Variants in CSMD2 observed in about 807,000 individuals in gnomAD.
CSMD2 encodes the protein CUB and Sushi multiple domains 2, also known as CUB and sushi domain-containing protein 2.
In CSMD2, 130 loss-of-function variants were observed where a neutral mutation model predicts 398.5. The ratio of observed to expected loss-of-function variants is 0.33; its 90% CI spans 0.28 to 0.38. The LOEUF is 0.38. Among genes scored for constraint, CSMD2 ranks in the 10% least tolerant of loss-of-function variants. The pLI, the probability that CSMD2 is intolerant of heterozygous loss-of-function variation, is 1.00. For synonymous variants in CSMD2, 1,828 were observed against 1,908.5 expected, an observed-to-expected ratio of 0.96 and a Z score of 1.10; for missense variants, 3,829 against 4,764.9, an observed-to-expected ratio of 0.80 and a Z score of 5.78.
chr1:34,028,877 G>T (rs867330856), intron 3 of CSMD2, among the ~76,000 whole-genome samples: 1 of 152,172 alleles, frequency 6.6e-6, no homozygotes, highest in Admixed American at 6.5e-5. Context: ...TTTGACTACC[G>T]GCCTTTTTGA....
chr1:33,559,906 TG>T lies in CSMD2; in HGVS notation c.8381-434del, dbSNP rs1166221282. 6.6e-6 allele frequency among the ~76,000 whole-genome samples: 1 copy of T among 152,140 alleles called. No individual in the cohort carries two copies. Among genetic ancestry groups the T allele is most frequent in the African/African-American group, 2.4e-5 (1 of 41,438 alleles). Reference sequence around the variant, plus strand: ...AACCAGAGTGAATACTAACCAAGACTGGTGCAGAGTTCAGTCACTCTGCTAG... The same window carrying T: ...AACCAGAGTGAATACTAACCAAGACTGTGCAGAGTTCAGTCACTCTGCTAG... On this transcript the variant is annotated intron_variant, in intron 53 of 70. Coordinates refer to ENST00000373381, the MANE Select transcript of CSMD2 (RefSeq NM_001281956.2). The surrounding 1 kb of genome is among the most constrained non-coding windows in gnomAD (Gnocchi z 4.0).
intron 25 of CSMD2, among the ~76,000 whole-genome samples, chr1:33,692,574 G>C (rs1645276252): frequency 2.0e-5 from 3 of 152,220 alleles, no homozygotes; most frequent in Admixed American, 6.5e-5. Flanking sequence ...ACACTCTACA[G>C]AAGAGGACAA....
intron 25 of CSMD2, among the ~76,000 whole-genome samples, chr1:33,665,713 C>T (rs969238716): frequency 1.3e-5 from 2 of 151,942 alleles, no homozygotes; most frequent in African/African-American, 4.8e-5. Context: ...CAGGTGTGAG[C>T]CACTGCACCT....
intron 3 of CSMD2, among the ~76,000 whole-genome samples, chr1:34,025,788 T>C (rs1018565294): frequency 1.1e-4 from 17 of 152,126 alleles, no homozygotes; most frequent in African/African-American, 2.9e-4. Flanking sequence ...CCCTATCCAA[T>C]GGACACAGGC....
chr1:33,858,877 C>T (rs1009606383), intron 5 of CSMD2, among the ~76,000 whole-genome samples: 3 of 152,128 alleles, frequency 2.0e-5, no homozygotes, highest in Non-Finnish European at 2.9e-5. Flanking sequence ...ACTGAAAGAA[C>T]GTAAGAGTGA....
At chr1:33,632,716 A>G (rs1642537412) in intron 32 of CSMD2, among the ~76,000 whole-genome samples, 1 of 152,226 alleles carries the variant, frequency 6.6e-6, no homozygotes, top group Non-Finnish European at 1.5e-5. Context: ...GATCTCACAT[A>G]TCCTTTAACT....
At chr1:33,725,772 T>C (rs958100502) in intron 16 of CSMD2, among the ~76,000 whole-genome samples, 2 of 152,162 alleles carry the variant, frequency 1.3e-5, no homozygotes, top group Non-Finnish European at 2.9e-5. Context: ...TGTGGCCTGA[T>C]CTGTGAGCCA....
At chr1:33,770,054 T>C (rs1651054146) in intron 13 of CSMD2, among the ~76,000 whole-genome samples, 1 of 152,214 alleles carries the variant, frequency 6.6e-6, no homozygotes, top group Admixed American at 6.5e-5. Context: ...ACTCCAAAGT[T>C]TAACATTGTC....
At chr1:33,811,433 T>C (rs1176280098) in intron 9 of CSMD2, among the ~76,000 whole-genome samples, 2 of 152,106 alleles carry the variant, frequency 1.3e-5, no homozygotes, top group Non-Finnish European at 2.9e-5. Flanking sequence ...AGGATATCCT[T>C]GTCAAGGCCA....
chr1:34,157,997 G>A (rs1055760246), intron 1 of CSMD2, among the ~76,000 whole-genome samples: 1 of 152,194 alleles, frequency 6.6e-6, no homozygotes, highest in Non-Finnish European at 1.5e-5. Flanking sequence ...AACTAAGTGT[G>A]TGTTTGGGTG....
At chr1:34,141,345 A>T (rs764134221) in intron 1 of CSMD2, among the ~76,000 whole-genome samples, 4 of 152,072 alleles carry the variant, frequency 2.6e-5, no homozygotes, top group Admixed American at 6.5e-5. Flanking sequence ...ATCTCATGGG[A>T]TTTGCTTGAG....
intron 32 of CSMD2, among the ~76,000 whole-genome samples, chr1:33,629,997 T>C (rs1033773717): frequency 6.6e-6 from 1 of 152,024 alleles, no homozygotes; most frequent in African/African-American, 2.4e-5. Flanking sequence ...GGTCAGGAGT[T>C]TTATATCTAC....
intron 49 of CSMD2, among the ~76,000 whole-genome samples, chr1:33,573,250 C>G (rs12129656): frequency 0.22 from 33,722 of 152,032 alleles, 3,988 homozygotes; most frequent in Non-Finnish European, 0.26. Flanking sequence ...AAATAACAAA[C>G]GTAATCCACA....
rs139696515 is a variant in CSMD2, at chr1:33,685,827, T to C, written c.4052+7103A>G. Among the ~76,000 whole-genome samples, 240 of 152,350 alleles carry C rather than the reference T, an allele frequency of 1.6e-3. 1 individual carries two copies. Among genetic ancestry groups the C allele is most frequent in the African/African-American group, 5.4e-3 (224 of 41,580 alleles). ...TTGGAGGTACCTGTCTGTTTGACTA[T>C]TTCCCCACTAGAATGTGAACTCTTG... On this transcript the variant is annotated intron_variant, in intron 25 of 70. Transcript: ENST00000373381.
chr1:33,542,740 C>T lies in CSMD2; in HGVS notation c.9257G>A (p.Gly3086Asp). Residue 3086 changes from glycine (G) to aspartate (D), a missense_variant, in exon 58 of 71, where the codon GGC becomes GAC. Around this residue, in one of 5 missense-constraint regions of CSMD2, gnomAD observed 917 missense variants for 1,199.5 expected, o/e 0.76. Coordinates refer to ENST00000373381, the MANE Select transcript of CSMD2 (RefSeq NM_001281956.2). The stretch of plus-strand genomic sequence containing the variant: ...CTCACCGAGGCACTCAGGGTCACTG[C>T]CTGTCCAGGTACCATTGACCGAGCA... ...RHCSVNGTWT[G>D]SDPECLVINC... 1 of 1,613,794 alleles carries T rather than the reference C, an allele frequency of 6.2e-7. No individual in the cohort carries two copies. The highest frequency in any genetic ancestry group is 8.5e-7 in the Non-Finnish European group (1 of 1,179,904).
At chr1:33,712,808 G>A (rs1646037075) in intron 21 of CSMD2, among the ~76,000 whole-genome samples, 1 of 152,140 alleles carries the variant, frequency 6.6e-6, no homozygotes, top group South Asian at 2.1e-4. Flanking sequence ...TGGGTGGCGG[G>A]GTTCTATGTG....
At chr1:33,552,964 C>G (rs904110899) in intron 55 of CSMD2, among the ~76,000 whole-genome samples, 1 of 152,106 alleles carries the variant, frequency 6.6e-6, no homozygotes, top group Admixed American at 6.5e-5. Flanking sequence ...AGAAAAAATG[C>G]AAATGGATTA....
At chr1:33,783,669 T>C (rs1225238818) in intron 12 of CSMD2, among the ~76,000 whole-genome samples, 2 of 152,122 alleles carry the variant, frequency 1.3e-5, no homozygotes, top group East Asian at 3.9e-4. Context: ...ATTAAAACAG[T>C]ACAACCGTTA....
In CSMD2 at chr1:33,725,425, G is replaced by C. The variant is rs1646497806; in HGVS notation, c.2619C>G (p.Ser873Arg). 1 of 1,614,026 alleles carries C rather than the reference G, an allele frequency of 6.2e-7. No individual in the cohort carries two copies. The highest frequency in any genetic ancestry group is 1.1e-5 in the South Asian group (1 of 91,064). Residue 873 changes from serine to arginine, a missense_variant, in exon 17 of 71, where the codon AGC (serine) becomes AGG (arginine). By Grantham distance (110) the Ser-to-Arg change is moderately radical (BLOSUM62 -1). Around this residue, in one of 5 missense-constraint regions of CSMD2, gnomAD observed 2,001 missense variants for 2,567.1 expected, o/e 0.78. Coordinates refer to ENST00000373381, the MANE Select transcript of CSMD2 (RefSeq NM_001281956.2). ...AGAGGAGGTAGAGGTAGTTGCTGGTGCTGATGAGGAACTGGGGAACCTGGG... is the reference window on the plus strand; with the variant it reads ...AGAGGAGGTAGAGGTAGTTGCTGGTCCTGATGAGGAACTGGGGAACCTGGG... ...HGTQVPQFLI[S>R]TSNYLYLLFS... is the part of the protein sequence containing the mutation.
Sources: gnomAD v4.1 joint callset for allele counts (sites outside exome capture counted in the v4.1 genomes callset) on GRCh38, gnomAD v4.1.1 for gene constraint, gnomAD v4.1.1 regional missense constraint, Gnocchi (gnomAD v3.1) non-coding constraint, MANE v1.5 for transcripts, NCBI Gene and HGNC (gene_info 2026-07-23, HGNC 2026-07-21) for gene names.